The following LDB2 variants were observed in gnomAD, a reference collection of about 807,000 sequenced individuals.
The protein encoded by LDB2 is LIM domain binding 2.
LDB2 carries 12 observed loss-of-function variants against 44.3 expected under a neutral mutation model. The ratio of observed to expected loss-of-function variants is 0.27; its 90% CI spans 0.17 to 0.44. The LOEUF (loss-of-function observed/expected upper bound fraction) is 0.44. Ranked by LOEUF, LDB2 falls within the 20% of genes least tolerant of loss-of-function variation. The pLI is 1.00. For missense variants in LDB2, 344 were observed against 473.5 expected (o/e 0.73, Z 2.54); for synonymous variants, 164 against 174.8 (o/e 0.94, Z 0.49).
intron 1 of LDB2, among the ~76,000 whole-genome samples, chr4:16,761,460 A>T (rs1398391847): frequency 6.6e-6 from 1 of 152,116 alleles, no homozygotes; most frequent in African/African-American, 2.4e-5. Context: ...CGCTCAGGAG[A>T]CTGCCTGGCG....
At chr4:16,773,455 C>A (rs1472002626) in intron 1 of LDB2, among the ~76,000 whole-genome samples, 1 of 152,258 alleles carries the variant, frequency 6.6e-6, no homozygotes, top group East Asian at 1.9e-4. Flanking sequence ...TGGGAGACAG[C>A]GACGGATCAT....
chr4:16,578,464 C>A (rs1323171133), intron 5 of LDB2, among the ~76,000 whole-genome samples: 1 of 152,170 alleles, frequency 6.6e-6, no homozygotes, highest in Non-Finnish European at 1.5e-5. Flanking sequence ...TGCTCAACAT[C>A]ACTGATCATC....
At chr4:16,773,161 G>A (rs1490386918) in intron 1 of LDB2, among the ~76,000 whole-genome samples, 1 of 152,202 alleles carries the variant, frequency 6.6e-6, no homozygotes, top group Non-Finnish European at 1.5e-5. Context: ...AAAGGTAGGA[G>A]GATATCTGTC....
chr4:16,848,631 AC>A (rs1580202337), intron 1 of LDB2, among the ~76,000 whole-genome samples: 1 of 152,280 alleles, frequency 6.6e-6, no homozygotes, highest in East Asian at 1.9e-4. Context: ...ATACACTAAA[AC>A]AAAAGAAATA....
intron 1 of LDB2, among the ~76,000 whole-genome samples, chr4:16,781,043 T>A (rs1773108273): frequency 6.6e-6 from 1 of 152,180 alleles, no homozygotes. Flanking sequence ...ACCTCTCTTT[T>A]AAATAGATTA....
chr4:16,579,668 A>C (rs528184637), intron 5 of LDB2, among the ~76,000 whole-genome samples: 7 of 152,132 alleles, frequency 4.6e-5, no homozygotes, highest in Non-Finnish European at 5.9e-5. Flanking sequence ...TTCATGGTGA[A>C]GTTCTAGGTA....
At chr4:16,710,379 G>T (rs754736398) in intron 2 of LDB2, among the ~76,000 whole-genome samples, 9 of 152,174 alleles carry the variant, frequency 5.9e-5, no homozygotes, top group Non-Finnish European at 1.2e-4. Flanking sequence ...GCTTTAAAAC[G>T]TGGAGTGTTT....
intron 5 of LDB2, among the ~76,000 whole-genome samples, chr4:16,518,575 C>T (rs930460639): frequency 3.3e-5 from 5 of 151,864 alleles, no homozygotes; most frequent in African/African-American, 9.7e-5. Flanking sequence ...ACTAAATATC[C>T]GTGCTTTCTT....
intron 2 of LDB2, among the ~76,000 whole-genome samples, chr4:16,607,459 A>T (rs1724250475): frequency 6.6e-6 from 1 of 151,178 alleles, no homozygotes. Flanking sequence ...TGATTCACAC[A>T]CTGGCTGTGC....
chr4:16,723,709 C>T (rs370592771), intron 2 of LDB2, among the ~76,000 whole-genome samples: 2 of 152,094 alleles, frequency 1.3e-5, no homozygotes, highest in African/African-American at 4.8e-5. Context: ...GCCAAGCAGA[C>T]CCCACTTTCA....
chr4:16,602,111 G>A (rs1023740166), intron 2 of LDB2, among the ~76,000 whole-genome samples: 3 of 152,020 alleles, frequency 2.0e-5, no homozygotes, highest in African/African-American at 7.3e-5. Flanking sequence ...CTGATGACCT[G>A]TCTTGTGATT....
intron 3 of LDB2, among the ~76,000 whole-genome samples, chr4:16,594,824 T>C (rs1361075217): frequency 6.6e-6 from 1 of 152,234 alleles, no homozygotes; most frequent in African/African-American, 2.4e-5. Flanking sequence ...CTATCATTAA[T>C]ATCACAAATT....
At chr4:16,870,478 C>T (rs900688998) in intron 1 of LDB2, among the ~76,000 whole-genome samples, 2 of 151,944 alleles carry the variant, frequency 1.3e-5, no homozygotes, top group African/African-American at 4.8e-5. Context: ...TTACCCAGAG[C>T]ATATGGGGAC....
At position 16,879,714 on chromosome 4, in the gene LDB2, A is replaced by G. The variant is rs192596010; in HGVS notation, c.132+18640T>C. On this transcript the variant is annotated intron_variant, in intron 1 of 7. Transcript: ENST00000304523. ...CAGATCATGGGACTTCTCAGCTTCC[A>G]TAACAATGTGAGTCTAGAGCTTACA... 1.6e-3 allele frequency among the ~76,000 whole-genome samples: 244 copies of G among 152,324 alleles called. 2 individuals are homozygous for G. Among genetic ancestry groups the G allele is most frequent in the Middle Eastern group, 6.8e-3 (2 of 294 alleles).
chr4:16,797,009 A>C (rs1485658282), intron 1 of LDB2, among the ~76,000 whole-genome samples: 1 of 152,216 alleles, frequency 6.6e-6, no homozygotes, highest in Non-Finnish European at 1.5e-5. Flanking sequence ...TTGTGCAGGG[A>C]AGCCTGAAAA....
intron 7 of LDB2, chr4:16,506,105 C>G: frequency 9.8e-7 from 1 of 1,019,050 alleles, no homozygotes; most frequent in Non-Finnish European, 1.4e-6. Context: ...GCCTTTGGAC[C>G]AGACAGTGGA....
At position 16,706,248 on chromosome 4, in the gene LDB2, CA is replaced by C. The variant is rs772174134; in HGVS notation, c.235+52909del. Among the ~76,000 whole-genome samples the C allele has an allele frequency of 1.7e-4, 26 of 152,228 alleles. 1 individual carries two copies. Among genetic ancestry groups the C allele is most frequent in the Admixed American group, 7.8e-4 (12 of 15,288 alleles). The stretch of plus-strand genomic sequence containing the variant: ...ATTCATATGAGGAAGTCCTAACCTT[CA>C]AGGTAATGGTATTAGGAGATGGGGC... On this transcript the variant is annotated intron_variant, in intron 2 of 7. Transcript: ENST00000304523.
chr4:16,692,994 C>A (rs533651435), intron 2 of LDB2, among the ~76,000 whole-genome samples: 1 of 152,152 alleles, frequency 6.6e-6, no homozygotes, highest in Non-Finnish European at 1.5e-5. Flanking sequence ...TCCCTGCCCC[C>A]CAGAGCTAGC....
At chr4:16,743,936 T>C (rs1763852117) in intron 2 of LDB2, among the ~76,000 whole-genome samples, 1 of 152,172 alleles carries the variant, frequency 6.6e-6, no homozygotes, top group Non-Finnish European at 1.5e-5. Flanking sequence ...AAAATACCTA[T>C]CAAATAGATT....
Sources: allele counts gnomAD v4.1 joint callset (sites outside exome capture counted in the v4.1 genomes callset), GRCh38; gene constraint gnomAD v4.1.1; transcripts MANE v1.5; gene names NCBI Gene and HGNC (gene_info 2026-07-23, HGNC 2026-07-21).